EPN2: variants seen among roughly 807,000 people sequenced by gnomAD.
EPN2 encodes epsin 2.
EPN2 carries 34 observed loss-of-function variants against 61.7 expected under a neutral mutation model. That is an observed-to-expected ratio of 0.55 (90% confidence interval 0.42 to 0.73). The LOEUF (loss-of-function observed/expected upper bound fraction) is 0.73, where lower values mean the gene tolerates loss of function less well. EPN2 is among the 30% of genes least tolerant of loss of function. The pLI is 0.00. For synonymous variants in EPN2, 349 were observed against 353.6 expected, an observed-to-expected ratio of 0.99 and a Z score of 0.15; for missense variants, 714 against 839.2, an observed-to-expected ratio of 0.85 and a Z score of 1.84.
At chr17:19,309,319 T>C (rs1160354681) in intron 4 of EPN2, among the ~76,000 whole-genome samples, 1 of 152,116 alleles carries the variant, frequency 6.6e-6, no homozygotes, top group African/African-American at 2.4e-5. Flanking sequence ...TTAGTAGAGA[T>C]GGCGTTTCAC....
At position 19,300,849 on chromosome 17, in the gene EPN2, G is replaced by A. The variant is rs117769886; in HGVS notation, c.767-9036G>A. On this transcript the variant is annotated intron_variant, in intron 4 of 10. Coordinates refer to ENST00000314728, the MANE Select transcript of EPN2 (RefSeq NM_014964.5). ...CCACCAAGTGCTCCCTGTGCGCCAA[G>A]GCCAGCTCCAGGTATCAAGGTGTTA... Among the ~76,000 whole-genome samples, 792 of 152,292 alleles carry A rather than the reference G, an allele frequency of 5.2e-3. 3 individuals carry two copies. The highest frequency in any genetic ancestry group is 8.6e-3 in the Non-Finnish European group (588 of 68,016).
chr17:19,328,247 C>T (rs969085589), intron 7 of EPN2, among the ~76,000 whole-genome samples: 12 of 152,252 alleles, frequency 7.9e-5, no homozygotes, highest in African/African-American at 2.9e-4. Flanking sequence ...CCACTCAAAG[C>T]ACATGGGGAG....
At chr17:19,292,068 G>C (rs2045470915) in intron 4 of EPN2, among the ~76,000 whole-genome samples, 1 of 152,182 alleles carries the variant, frequency 6.6e-6, no homozygotes, top group African/African-American at 2.4e-5. Flanking sequence ...AAAACTCAAA[G>C]ATGTGGGAAA....
chr17:19,315,727 C>T (rs565910641), intron 7 of EPN2, among the ~76,000 whole-genome samples: 5 of 152,230 alleles, frequency 3.3e-5, no homozygotes, highest in East Asian at 3.9e-4. Flanking sequence ...TTAAGTGATC[C>T]GCTTGCCTCG....
chr17:19,272,011 AT>A (rs1353001048), intron 1 of EPN2, among the ~76,000 whole-genome samples: 1 of 152,206 alleles, frequency 6.6e-6, no homozygotes, highest in Non-Finnish European at 1.5e-5. Flanking sequence ...TAAACACGAG[AT>A]CATGGGAATG....
At position 19,336,319 on chromosome 17, in the gene EPN2, C is replaced by G. The variant is rs563458757; in HGVS notation, c.*2065C>G. The G allele has an allele frequency of 6.6e-6, 1 of 152,404 alleles. No individual in the cohort carries two copies. The highest frequency in any genetic ancestry group is 1.9e-4 in the East Asian group (1 of 5,172). The allele number at this position is 152,404 out of a possible 1,614,324, so 9.4% of individuals were successfully genotyped here. A position where few individuals can be genotyped will look rare whatever the true frequency, so the allele number is the denominator to read the frequency against. On this transcript the variant is annotated 3_prime_UTR_variant, in exon 11 of 11. Coordinates refer to ENST00000314728, the MANE Select transcript of EPN2 (RefSeq NM_014964.5). ...GCCCAGAAAGGTGCTTTCCTTCAGA[C>G]GGTGCAGGGCCTGGGCCAGCCTTAC...
chr17:19,326,394 A>C (rs1294820198), intron 7 of EPN2, among the ~76,000 whole-genome samples: 1 of 149,478 alleles, frequency 6.7e-6, no homozygotes, highest in Non-Finnish European at 1.5e-5. Flanking sequence ...GATAATTAAG[A>C]AGGTGCAAGT....
chr17:19,312,861 T>G (rs6421434), intron 6 of EPN2: 438,801 of 456,582 alleles, frequency 0.96, 211,759 homozygotes, highest in African/African-American at 0.99. Flanking sequence ...AAAAGTCTGT[T>G]GAGCCCTGAG....
At chr17:19,276,753 T>C (rs1247190395) in intron 1 of EPN2, among the ~76,000 whole-genome samples, 1 of 148,930 alleles carries the variant, frequency 6.7e-6, no homozygotes, top group African/African-American at 2.5e-5. Context: ...CAATTGTCAG[T>C]ATGTAATTTA....
At position 19,313,224 on chromosome 17, in the gene EPN2, C is replaced by T. The variant is rs778287434; in HGVS notation, c.1092C>T (p.Asn364=). ...CGTCAGCCTCCACTAACCAGACCAA[C>T]CCCTGGGGCGGGCCAGCGGCTCCTG... ...WGPSASTNQT[N]PWGGPAAPAS... is the part of the protein sequence containing the mutation. The change falls in exon 7 of 11, where the codon AAC becomes AAT. Residue 364 remains asparagine (N), a synonymous_variant. Transcript: ENST00000314728. 9.4e-6 allele frequency: 15 copies of T among 1,598,416 alleles called. No individual in the cohort carries two copies. The highest frequency in any genetic ancestry group is 1.7e-4 in the Middle Eastern group (1 of 5,974).
chr17:19,289,912 A>G (rs1381150590), intron 4 of EPN2, among the ~76,000 whole-genome samples: 1 of 151,366 alleles, frequency 6.6e-6, no homozygotes, highest in Non-Finnish European at 1.5e-5. Context: ...TTTAGTAGAG[A>G]TGAGGTTTCA....
intron 1 of EPN2, among the ~76,000 whole-genome samples, chr17:19,254,460 G>A (rs977104800): frequency 3.9e-5 from 6 of 152,124 alleles, no homozygotes; most frequent in African/African-American, 1.2e-4. Context: ...AGAATCCCTC[G>A]AACCCAGGAG....
At position 19,283,854 on chromosome 17, in the gene EPN2, G is replaced by T; in HGVS notation, c.595+140G>T. The T allele has an allele frequency of 1.5e-6, 1 of 655,168 alleles. No homozygotes were observed. The highest frequency in any genetic ancestry group is 2.6e-6 in the Non-Finnish European group (1 of 388,570). 40.6% of individuals were successfully genotyped at this position (655,168 alleles called of 1,614,324 possible). A position where few individuals can be genotyped will look rare whatever the true frequency, so the allele number is the denominator to read the frequency against. On this transcript the variant is annotated intron_variant, in intron 3 of 10. Transcript: ENST00000314728. This position sits in a 1 kb window ranked among gnomAD's most constrained non-coding sequence, Gnocchi z 7.0. ...TCAGTACCCAGCTTTTGGTGGCCCA[G>T]GCAAATTGTCCTTGGTCTGGATTGA...
chr17:19,327,050 G>T (rs1240447248), intron 7 of EPN2, among the ~76,000 whole-genome samples: 1 of 152,152 alleles, frequency 6.6e-6, no homozygotes, highest in Non-Finnish European at 1.5e-5. Context: ...CATCAGAGAG[G>T]TTATGAGGCA....
At chr17:19,239,918 G>T (rs1001486657) in intron 1 of EPN2, among the ~76,000 whole-genome samples, 9 of 152,092 alleles carry the variant, frequency 5.9e-5, no homozygotes, top group African/African-American at 1.9e-4. Flanking sequence ...TCCATAATGA[G>T]CGGAGGATTT....
Position 19,283,785 on chromosome 17 carries a change from C to T in EPN2, c.595+71C>T. On this transcript the variant is annotated intron_variant, in intron 3 of 10. Transcript: ENST00000314728. The surrounding 1 kb of genome is among the most constrained non-coding windows in gnomAD (Gnocchi z 7.0). ...TGGGTGACAGGCAGGGTGGGTGTCT[C>T]TGGGCTTAGGGAGTGGTGGCCACTG... The T allele has an allele frequency of 8.1e-7, 1 of 1,234,232 alleles. No individual in the cohort carries two copies. Among genetic ancestry groups the T allele is most frequent in the Non-Finnish European group, 1.1e-6 (1 of 907,034 alleles). 76.5% of individuals were successfully genotyped at this position (1,234,232 alleles called of 1,614,324 possible). A position where few individuals can be genotyped will look rare whatever the true frequency, so the allele number is the denominator to read the frequency against.
intron 1 of EPN2, among the ~76,000 whole-genome samples, chr17:19,264,010 G>A (rs1221177165): frequency 6.6e-6 from 1 of 152,178 alleles, no homozygotes. Context: ...AAAGTAGAGC[G>A]ATTTCTGAGT....
chr17:19,289,844 C>T (rs761047167), intron 4 of EPN2, among the ~76,000 whole-genome samples: 1 of 148,664 alleles, frequency 6.7e-6, no homozygotes, highest in Non-Finnish European at 1.5e-5. Flanking sequence ...TCTTCCTCAG[C>T]CATCTGAGTA....
At chr17:19,254,110 C>T (rs945751993) in intron 1 of EPN2, among the ~76,000 whole-genome samples, 3 of 132,818 alleles carry the variant, frequency 2.3e-5, no homozygotes, top group Non-Finnish European at 4.7e-5. Context: ...CCAGCCTGGG[C>T]GACAGAGCAA....
Sources: allele counts gnomAD v4.1 joint callset (sites outside exome capture counted in the v4.1 genomes callset), GRCh38; gene constraint gnomAD v4.1.1; non-coding constraint Gnocchi (gnomAD v3.1); transcripts MANE v1.5; gene names NCBI Gene and HGNC (gene_info 2026-07-23, HGNC 2026-07-21).